The following NOTCH1 variants were observed in gnomAD, a reference collection of about 807,000 sequenced individuals.
The protein encoded by NOTCH1 is notch receptor 1.
NOTCH1 carries 37 observed loss-of-function variants against 254.8 expected under a neutral mutation model. The ratio of observed to expected loss-of-function variants is 0.15; its 90% confidence interval spans 0.11 to 0.19. NOTCH1 has a LOEUF of 0.19. Among genes scored for constraint, NOTCH1 ranks in the 10% least tolerant of loss-of-function variants. The pLI is 1.00. For synonymous variants in NOTCH1, 1,731 were observed against 1,618.1 expected (o/e 1.07, Z -1.68); for missense variants, 2,972 against 3,708.6 (o/e 0.80, Z 5.16).
rs531420022 is a variant in NOTCH1, at chr9:136,508,295, C to T, written c.3262G>A (p.Gly1088Ser). 7.2e-5 allele frequency: 116 copies of T among 1,612,976 alleles called. 2 individuals carry two copies. In the South Asian group the frequency reaches 8.5e-4, roughly 12 times the overall value. Residue 1088 changes from glycine to serine, a missense_variant, in exon 20 of 34, where the codon GGC (glycine) becomes AGC (serine). Gly to Ser is a moderately conservative substitution (Grantham distance 56, BLOSUM62 0). This residue lies in a region of NOTCH1 where 1,343 missense variants were observed against 1,557.0 expected (regional missense o/e 0.86). Transcript: ENST00000651671. Reference sequence around the variant, plus strand: ...ACGTCGCAGTAAAGGCCGGTCCAGCCGCTGGGGCACTCGCAGCGGTACTGG... The same window carrying T: ...ACGTCGCAGTAAAGGCCGGTCCAGCTGCTGGGGCACTCGCAGCGGTACTGG... ...HTQYRCECPS[G>S]WTGLYCDVPS...
intron 27 of NOTCH1, chr9:136,502,694 C>T (rs1345535635): frequency 8.6e-6 from 5 of 578,054 alleles, no homozygotes; most frequent in Non-Finnish European, 1.5e-5. Flanking sequence ...CACCAGCCGA[C>T]TCTATCTGGA....
Position 136,515,992 on chromosome 9 carries a change from A to G in NOTCH1, c.1658T>C (p.Val553Ala). ...CLDGPNTYTC[V>A]CTEGYTGTHC... ...GCGCCAGCCCGCACCTTCCGTGCAC[A>G]CACAGGTGTAAGTGTTGGGTCCGTC... The change falls in exon 10 of 34, where the codon GTG (valine) becomes GCG (alanine). Residue 553 changes from valine to alanine, a missense_variant. This residue lies in a region of NOTCH1 where 128 missense variants were observed against 193.8 expected (regional missense o/e 0.66). Coordinates refer to ENST00000651671, the MANE Select transcript of NOTCH1 (RefSeq NM_017617.5). The G allele has an allele frequency of 1.9e-6, 3 of 1,611,114 alleles. No homozygotes were observed. Among genetic ancestry groups the G allele is most frequent in the Non-Finnish European group, 2.5e-6 (3 of 1,179,568 alleles).
intron 2 of NOTCH1, chr9:136,543,665 G>T: frequency 2.4e-6 from 1 of 424,292 alleles, no homozygotes; most frequent in Non-Finnish European, 4.4e-6. Flanking sequence ...AGTTGGCAGG[G>T]TGGTGGGGGC....
rs777189816 is a variant in NOTCH1, at chr9:136,506,809, C to T, written c.3808G>A (p.Glu1270Lys). ...VGERCEGDVNECLSNPCDARG... is the reference protein window; with the variant it reads ...VGERCEGDVNKCLSNPCDARG... ...GCGTCGCAGGGATTGGACAGGCACT[C>T]GTTGACATCCCCCTCACAGCGCTCA... Residue 1270 changes from glutamate (E) to lysine (K), a missense_variant, in exon 23 of 34, where the codon GAG becomes AAG. By Grantham distance (56) the Glu-to-Lys change is moderately conservative. Coordinates refer to ENST00000651671, the MANE Select transcript of NOTCH1 (RefSeq NM_017617.5). This position sits in a 1 kb window ranked among gnomAD's most constrained non-coding sequence, Gnocchi z 4.5. 17 of 1,612,060 alleles carry T rather than the reference C, an allele frequency of 1.1e-5. 1 individual carries two copies. The highest frequency in any genetic ancestry group is 9.9e-5 in the South Asian group (9 of 90,940).
At chr9:136,524,866 G>A (rs919530842) in intron 2 of NOTCH1, among the ~76,000 whole-genome samples, 4 of 151,996 alleles carry the variant, frequency 2.6e-5, no homozygotes, top group Non-Finnish European at 5.9e-5. Context: ...TTGATCTCTT[G>A]ACCTCGTGAT....
At chr9:136,507,834 G>A in intron 21 of NOTCH1, 121 bp downstream of exon 21, 1 of 1,063,234 alleles carries the variant, frequency 9.4e-7, no homozygotes, top group Middle Eastern at 2.5e-4. Flanking sequence ...CCCCTAATGA[G>A]ACTGAACAGT....
Position 136,497,155 on chromosome 9 carries a change from C to A in NOTCH1, c.6584G>T (p.Gly2195Val), listed in dbSNP as rs755029006. 6.2e-7 allele frequency: 1 copy of A among 1,612,748 alleles called. No homozygotes were observed. The highest frequency in any genetic ancestry group is 8.5e-7 in the Non-Finnish European group (1 of 1,179,952). ...DGKGCLLDSS[G>V]MLSPVDSLES... ...CAGGGAGTCCACGGGCGAGAGCATGCCGGAGCTGTCCAGCAGGCAGCCCTT... is the reference window on the plus strand; with the variant it reads ...CAGGGAGTCCACGGGCGAGAGCATGACGGAGCTGTCCAGCAGGCAGCCCTT... The change falls in exon 34 of 34, where the codon GGC (glycine) becomes GTC (valine). Residue 2195 changes from glycine (G) to valine (V), a missense_variant. By Grantham distance (109) the Gly-to-Val change is moderately radical. Coordinates refer to ENST00000651671, the MANE Select transcript of NOTCH1 (RefSeq NM_017617.5).
chr9:136,524,193 C>T (rs1015394630), intron 2 of NOTCH1, among the ~76,000 whole-genome samples: 2 of 152,218 alleles, frequency 1.3e-5, no homozygotes, highest in African/African-American at 2.4e-5. Flanking sequence ...TACTGAATGC[C>T]ACTGAATGAG....
At chr9:136,532,281 G>A (rs1404443259) in intron 2 of NOTCH1, among the ~76,000 whole-genome samples, 1 of 152,188 alleles carries the variant, frequency 6.6e-6, no homozygotes, top group Non-Finnish European at 1.5e-5. Flanking sequence ...GACTTGGCAG[G>A]TCCTAAAACT....
At chr9:136,519,902 CA>C (rs1254100594) in intron 4 of NOTCH1, among the ~76,000 whole-genome samples, 1 of 152,248 alleles carries the variant, frequency 6.6e-6, no homozygotes, top group Non-Finnish European at 1.5e-5. Context: ...AATGTCTCCA[CA>C]GGGGGGCCGC....
intron 33 of NOTCH1, among the ~76,000 whole-genome samples, chr9:136,498,193 G>A (rs1474780315): frequency 6.7e-6 from 1 of 149,766 alleles, no homozygotes; most frequent in Non-Finnish European, 1.5e-5. Flanking sequence ...ACCCAGGAGG[G>A]AGAGACGCCT....
Position 136,494,630 on chromosome 9 carries a change from G to A in NOTCH1, c.*1441C>T, listed in dbSNP as rs111363175. On this transcript the variant is annotated 3_prime_UTR_variant, in exon 34 of 34. Coordinates refer to ENST00000651671, the MANE Select transcript of NOTCH1 (RefSeq NM_017617.5). ...TCATGCCCCCTGGGGATGGCACCAC[G>A]CGGCCCCCGTAGAGCCGGGGGAGGC... 30 of 398,916 alleles carry A rather than the reference G, an allele frequency of 7.5e-5. No individual in the cohort carries two copies. The highest frequency in any genetic ancestry group is 4.5e-4 in the African/African-American group (22 of 48,764). The allele number at this position is 398,916 out of a possible 1,614,324, so 24.7% of individuals were successfully genotyped here.
At chr9:136,521,634 C>T (rs974118530) in intron 4 of NOTCH1, among the ~76,000 whole-genome samples, 1 of 152,068 alleles carries the variant, frequency 6.6e-6, no homozygotes, top group Non-Finnish European at 1.5e-5. Flanking sequence ...GAGCCCCCAC[C>T]AGCAGAAGGG....
In NOTCH1 at chr9:136,502,102, G is replaced by A. The variant is rs777601218; in HGVS notation, c.5385-14C>T. 1.9e-5 allele frequency: 31 copies of A among 1,612,676 alleles called. No homozygotes were observed. In the South Asian group the frequency reaches 2.9e-4, roughly 15 times the overall value. Reference sequence around the variant, plus strand: ...TTCTTCAGGGGCCTGGGGGGTGAGGGGTCGAGAAGTGAGGCTGAGCGAGCT... The same window carrying A: ...TTCTTCAGGGGCCTGGGGGGTGAGGAGTCGAGAAGTGAGGCTGAGCGAGCT... On this transcript the variant is annotated splice_polypyrimidine_tract_variant and intron_variant, in intron 28 of 33. Transcript: ENST00000651671.
In NOTCH1 at chr9:136,506,506, TCCCTGCAC is replaced by T. The variant is rs1166885326; in HGVS notation, c.4014+13_4014+20del. ...GTGTCTCCCCTGGCGGGCCCCTGCC[TCCCTGCAC>T]CCCTGCACCTACCGCAGGGCACTTG... On this transcript the variant is annotated intron_variant, in intron 24 of 33. Coordinates refer to ENST00000651671, the MANE Select transcript of NOTCH1 (RefSeq NM_017617.5). This position sits in a 1 kb window ranked among gnomAD's most constrained non-coding sequence, Gnocchi z 4.5. 7.7e-6 allele frequency: 12 copies of T among 1,564,078 alleles called. No homozygotes were observed. The highest frequency in any genetic ancestry group is 2.4e-5 in the East Asian group (1 of 42,482).
chr9:136,505,415 A>C lies in NOTCH1; in HGVS notation c.4481T>G (p.Leu1494Arg). ...GTCACTGAAGTACTTCCAGCACTGC[A>C]GAGACTGCGTGCAGTTCTTCCAGGG... ...NDPWKNCTQS[L>R]QCWKYFSDGH... is the part of the protein sequence containing the mutation. Residue 1494 changes from leucine (L) to arginine (R), a missense_variant, in exon 25 of 34, where the codon CTG becomes CGG. Around this residue, in one of 8 missense-constraint regions of NOTCH1, gnomAD observed 1,343 missense variants for 1,557.0 expected, o/e 0.86. Coordinates refer to ENST00000651671, the MANE Select transcript of NOTCH1 (RefSeq NM_017617.5). 6.2e-7 allele frequency: 1 copy of C among 1,612,814 alleles called. No homozygotes were observed. The highest frequency in any genetic ancestry group is 8.5e-7 in the Non-Finnish European group (1 of 1,179,964).
chr9:136,515,815 G>A (rs1004496236), intron 10 of NOTCH1, 99 bp from the exon 11 acceptor site: 5 of 1,265,146 alleles, frequency 4.0e-6, no homozygotes, highest in Admixed American at 2.0e-5. Context: ...CCTGAGGAGG[G>A]CTCCGAGCGT....
intron 2 of NOTCH1, 135 bp downstream of exon 2, chr9:136,543,889 G>C: frequency 1.2e-6 from 1 of 836,438 alleles, no homozygotes; most frequent in South Asian, 1.4e-5. Flanking sequence ...TCCAATAAAA[G>C]TCAGCACGTG....
At position 136,496,953 on chromosome 9, in the gene NOTCH1, G is replaced by A. The variant is rs2133317207; in HGVS notation, c.6786C>T (p.Gly2262=). ...GTGGGCCAGTCTCAAAGGCCAGCCG[G>A]CCGCCCCCACCCAGCGCCGCCATCT... The part of the protein sequence containing the change: ...KPEMAALGGG[G]RLAFETGPPR... Residue 2262 remains glycine, a synonymous_variant, in exon 34 of 34, where the codon GGC becomes GGT. Coordinates refer to ENST00000651671, the MANE Select transcript of NOTCH1 (RefSeq NM_017617.5). 6.2e-7 allele frequency: 1 copy of A among 1,611,070 alleles called. No homozygotes were observed. Among genetic ancestry groups the A allele is most frequent in the Non-Finnish European group, 8.5e-7 (1 of 1,179,364 alleles).
Sources: gnomAD v4.1 joint callset for allele counts (sites outside exome capture counted in the v4.1 genomes callset) on GRCh38, gnomAD v4.1.1 for gene constraint, gnomAD v4.1.1 regional missense constraint, Gnocchi (gnomAD v3.1) non-coding constraint, MANE v1.5 for transcripts, NCBI Gene and HGNC (gene_info 2026-07-23, HGNC 2026-07-21) for gene names.